The following KANK1 variants were observed in gnomAD, a reference collection of about 807,000 sequenced individuals.
KANK1 encodes KN motif and ankyrin repeat domain-containing protein 1.
Under a neutral mutation model 106.2 loss-of-function variants are expected in KANK1, and 109 were observed. That is an observed-to-expected ratio of 1.03 (90% CI 0.88 to 1.20). The LOEUF (loss-of-function observed/expected upper bound fraction) is 1.20. Among genes scored for constraint, KANK1 ranks in the 50% most tolerant of loss-of-function variants. KANK1 has a pLI of 0.00. For synonymous variants in KANK1, 873 were observed against 652.2 expected (o/e 1.34, Z -5.16); for missense variants, 2,399 against 1,710.7 (o/e 1.40, Z -7.10).
intron 1 of KANK1, among the ~76,000 whole-genome samples, chr9:639,367 C>A (rs569565073): frequency 2.6e-5 from 4 of 151,808 alleles, no homozygotes; most frequent in Non-Finnish European, 5.9e-5. Context: ...ACTCTATCAC[C>A]CGGGCTAGAG....
chr9:492,719 T>G (rs1171431077), intron 3 of KANK1, among the ~76,000 whole-genome samples: 1 of 151,914 alleles, frequency 6.6e-6, no homozygotes, highest in African/African-American at 2.4e-5. Flanking sequence ...TGAGAAAAAA[T>G]ATCTTATTGT....
intron 1 of KANK1, among the ~76,000 whole-genome samples, chr9:604,964 T>C (rs1588173796): frequency 6.6e-6 from 1 of 151,864 alleles, no homozygotes; most frequent in Non-Finnish European, 1.5e-5. Flanking sequence ...ACTAATGCAA[T>C]TGGGCAATGT....
intron 1 of KANK1, among the ~76,000 whole-genome samples, chr9:529,294 C>T (rs2059952750): frequency 6.9e-6 from 1 of 144,876 alleles, no homozygotes; most frequent in Non-Finnish European, 1.5e-5. Context: ...CATATATACA[C>T]TTTTTTTTTT....
intron 1 of KANK1, among the ~76,000 whole-genome samples, chr9:547,050 G>A (rs1433350131): frequency 6.6e-6 from 1 of 152,212 alleles, no homozygotes; most frequent in Non-Finnish European, 1.5e-5. Context: ...CAGATCGGTT[G>A]TTGTTTGAAA....
At chr9:508,073 C>T (rs10974902) in intron 1 of KANK1, among the ~76,000 whole-genome samples, 2 of 147,490 alleles carry the variant, frequency 1.4e-5, no homozygotes, top group Non-Finnish European at 3.0e-5. Flanking sequence ...CCATCCGCCT[C>T]TGCCTCCCAA....
chr9:677,172 C>G (rs922763894), intron 2 of KANK1, among the ~76,000 whole-genome samples, 163 bp downstream of exon 2: 1 of 152,172 alleles, frequency 6.6e-6, no homozygotes, highest in Non-Finnish European at 1.5e-5. Flanking sequence ...GTTTTACTCT[C>G]AGAAAATTTG....
chr9:515,237 C>T lies in KANK1; in HGVS notation c.-84+10483C>T, dbSNP rs532101802. 2.2e-4 allele frequency among the ~76,000 whole-genome samples: 33 copies of T among 150,376 alleles called. 1 individual carries two copies. The highest frequency in any genetic ancestry group is 4.0e-4 in the Admixed American group (6 of 15,080). ...GCGGGAGCCTGTAGTCCCAGCTACT[C>T]GGGAGGCTGAGGCAGGAGAATGGCG... On this transcript the variant is annotated intron_variant, in intron 1 of 11. Transcript: ENST00000382297.
At chr9:556,542 A>G (rs1369895870) in intron 1 of KANK1, among the ~76,000 whole-genome samples, 6 of 152,216 alleles carry the variant, frequency 3.9e-5, no homozygotes, top group East Asian at 3.8e-4. Flanking sequence ...AATTAGATAC[A>G]ATGACTATGC....
At chr9:683,961 AT>A (rs930424742) in intron 2 of KANK1, among the ~76,000 whole-genome samples, 10 of 152,148 alleles carry the variant, frequency 6.6e-5, no homozygotes, top group Non-Finnish European at 1.3e-4. Context: ...TACTTCTTAG[AT>A]TTCAATTTCA....
intron 2 of KANK1, among the ~76,000 whole-genome samples, chr9:699,131 C>G (rs906075669): frequency 6.6e-6 from 1 of 152,168 alleles, no homozygotes. Flanking sequence ...CCTTAGCTAC[C>G]GCTCCCTTGA....
In KANK1 at chr9:745,205, T is replaced by C. The variant is rs370276408; in HGVS notation, c.4029T>C (p.Pro1343=). The C allele has an allele frequency of 8.1e-6, 13 of 1,614,026 alleles. No homozygotes were observed. The African/African-American group carries it at 1.5e-4, about 18-fold the overall frequency. Residue 1343 remains proline (P), a synonymous_variant, in exon 12 of 12, where the codon CCT becomes CCC. Transcript: ENST00000382297. ...CTAGGCTTGGAAGGAAGACGTCTCC[T>C]GGCCCCACCCACCGAGGTTCATTTG... is the stretch of plus-strand genomic sequence containing the variant. ...GTPRLGRKTS[P]GPTHRGSFD
rs148030609 is a variant in KANK1, at chr9:722,515, T to C, written c.2699-7536T>C. Among the ~76,000 whole-genome samples, 11 of 152,340 alleles carry C rather than the reference T, an allele frequency of 7.2e-5. No homozygotes were observed. In the East Asian group the frequency reaches 1.9e-3, roughly 27 times the overall value. ...CTTTGGCTTTCCTGGCTGCACGTTTTCTTCGTTTTGCTCAAACACAGCAGT... is the reference window on the plus strand; with the variant it reads ...CTTTGGCTTTCCTGGCTGCACGTTTCCTTCGTTTTGCTCAAACACAGCAGT... On this transcript the variant is annotated intron_variant, in intron 3 of 11. Coordinates refer to ENST00000382297, the MANE Select transcript of KANK1 (RefSeq NM_015158.5).
intron 3 of KANK1, among the ~76,000 whole-genome samples, chr9:717,113 C>T (rs1347297674): frequency 6.6e-6 from 1 of 151,948 alleles, no homozygotes; most frequent in South Asian, 2.1e-4. Flanking sequence ...GGTAAAACCC[C>T]GTCTTTACTA....
intron 1 of KANK1, among the ~76,000 whole-genome samples, chr9:572,652 A>C (rs1819511546): frequency 6.6e-6 from 1 of 152,142 alleles, no homozygotes; most frequent in Non-Finnish European, 1.5e-5. Flanking sequence ...TGGCCTCCCA[A>C]AGCACTGGGA....
chr9:689,316 T>C (rs1225828556), intron 2 of KANK1, among the ~76,000 whole-genome samples: 1 of 152,174 alleles, frequency 6.6e-6, no homozygotes, highest in Non-Finnish European at 1.5e-5. Flanking sequence ...AGACTTTTTA[T>C]TTTTCTTGTC....
upstream of KANK1, among the ~76,000 whole-genome samples, chr9:500,393 A>G (rs891270716): frequency 6.6e-5 from 10 of 152,242 alleles, no homozygotes; most frequent in African/African-American, 2.4e-4. Flanking sequence ...TGGTAACTCC[A>G]TAAGGCTCTT....
rs563378442 is a variant in KANK1 at position 743,242 on chromosome 9, T to TA, written c.3897+837_3897+838insA. ...ACCAAAAAGTTAGGAAAATATCCTT[T>TA]GTAGGTCAGATTCTTCTGGGCCCAA... is the stretch of plus-strand genomic sequence containing the variant. On this transcript the variant is annotated intron_variant, in intron 10 of 11. Transcript: ENST00000382297. 8.1e-4 allele frequency among the ~76,000 whole-genome samples: 124 copies of TA among 152,308 alleles called. 2 individuals are homozygous for TA. In the East Asian group the frequency reaches 0.023, roughly 28 times the overall value.
At chr9:659,010 T>A (rs1588650574) in intron 1 of KANK1, among the ~76,000 whole-genome samples, 1 of 145,036 alleles carries the variant, frequency 6.9e-6, no homozygotes, top group Non-Finnish European at 1.5e-5. Context: ...TCAACACCTG[T>A]TTTTTTCTCC....
chr9:705,976 C>G (rs7864374), intron 2 of KANK1, among the ~76,000 whole-genome samples: 101,080 of 151,762 alleles, frequency 0.67, 34,010 homozygotes, highest in Middle Eastern at 0.7. Context: ...AAAGTGTTTT[C>G]GTCTTGTTAA....
Sources: allele counts gnomAD v4.1 joint callset (sites outside exome capture counted in the v4.1 genomes callset), GRCh38; gene constraint gnomAD v4.1.1; transcripts MANE v1.5; gene names NCBI Gene and HGNC (gene_info 2026-07-23, HGNC 2026-07-21).